The following PPFIA2 variants were observed in gnomAD, a reference collection of about 807,000 sequenced individuals.
PPFIA2 encodes the protein liprin-alpha-2.
In PPFIA2, 46 loss-of-function variants were observed where a neutral mutation model predicts 175.5. The ratio of observed to expected loss-of-function variants is 0.26; its 90% CI spans 0.21 to 0.34. The LOEUF (loss-of-function observed/expected upper bound fraction) is 0.34, where lower values mean the gene tolerates loss of function less well. PPFIA2 is among the 10% of genes least tolerant of loss of function. PPFIA2 has a pLI of 1.00. For missense variants in PPFIA2, 1,179 were observed against 1,506.1 expected (o/e 0.78, Z 3.60); for synonymous variants, 568 against 511.4 (o/e 1.11, Z -1.49).
chr12:81,676,388 G>A (rs992513347), intron 4 of PPFIA2, among the ~76,000 whole-genome samples: 2 of 152,002 alleles, frequency 1.3e-5, no homozygotes, highest in Middle Eastern at 3.4e-3. Context: ...CCTGAATTAA[G>A]TAGAAAAGAA....
At chr12:81,556,471 C>A (rs1358723879) in intron 4 of PPFIA2, among the ~76,000 whole-genome samples, 1 of 151,808 alleles carries the variant, frequency 6.6e-6, no homozygotes, top group Non-Finnish European at 1.5e-5. Context: ...ATGCAAAACT[C>A]TGAACTGTTT....
intron 3 of PPFIA2, among the ~76,000 whole-genome samples, chr12:81,711,342 A>T (rs935067984): frequency 1.3e-5 from 2 of 151,490 alleles, no homozygotes; most frequent in Non-Finnish European, 2.9e-5. Context: ...TTATAAACAC[A>T]CACATACACA....
chr12:81,630,213 T>C (rs2063209383), intron 4 of PPFIA2, among the ~76,000 whole-genome samples: 1 of 152,182 alleles, frequency 6.6e-6, no homozygotes, highest in Non-Finnish European at 1.5e-5. Flanking sequence ...GACCTCCAGA[T>C]AAATAAGATA....
intron 32 of PPFIA2, 61 bp downstream of exon 32, chr12:81,261,888 G>A (rs1002649876): frequency 8.8e-7 from 1 of 1,135,272 alleles, no homozygotes; most frequent in East Asian, 2.6e-5. Context: ...ATATTTATTA[G>A]TCTATGTAGG....
At chr12:81,725,235 T>A (rs1358825982) in intron 3 of PPFIA2, among the ~76,000 whole-genome samples, 1 of 150,946 alleles carries the variant, frequency 6.6e-6, no homozygotes, top group Non-Finnish European at 1.5e-5. Context: ...TATATTAAAT[T>A]CCATACAATG....
chr12:81,679,090 G>A (rs369319546), intron 3 of PPFIA2, among the ~76,000 whole-genome samples: 1 of 151,714 alleles, frequency 6.6e-6, no homozygotes, highest in South Asian at 2.1e-4. Flanking sequence ...CAAATCCAAA[G>A]ATAAAACATA....
At chr12:81,325,939 T>G in intron 21 of PPFIA2, 69 bp from the exon 22 acceptor site, 1 of 1,183,388 alleles carries the variant, frequency 8.5e-7, no homozygotes, top group Non-Finnish European at 1.2e-6. Flanking sequence ...AGTCAGGTTG[T>G]TAAAGGTTTA....
intron 4 of PPFIA2, among the ~76,000 whole-genome samples, chr12:81,570,680 A>C (rs914560913): frequency 1.3e-5 from 2 of 148,864 alleles, no homozygotes; most frequent in Non-Finnish European, 3.0e-5. Flanking sequence ...CATTCCTTTA[A>C]AAAATAATTT....
At chr12:81,684,835 C>A (rs1394255898) in intron 3 of PPFIA2, among the ~76,000 whole-genome samples, 1 of 151,976 alleles carries the variant, frequency 6.6e-6, no homozygotes, top group Non-Finnish European at 1.5e-5. Context: ...TCTTGAGGTA[C>A]TAAGTTTCTA....
At chr12:81,466,452 T>A (rs993962051) in intron 4 of PPFIA2, among the ~76,000 whole-genome samples, 1 of 152,144 alleles carries the variant, frequency 6.6e-6, no homozygotes, top group African/African-American at 2.4e-5. Flanking sequence ...AAAAAGTGGA[T>A]GTTTGTGGAA....
chr12:81,521,779 C>G (rs1414609475), intron 4 of PPFIA2, among the ~76,000 whole-genome samples: 1 of 150,838 alleles, frequency 6.6e-6, no homozygotes, highest in African/African-American at 2.4e-5. Context: ...GAGATCGCGC[C>G]GCTGCACTCC....
intron 4 of PPFIA2, among the ~76,000 whole-genome samples, chr12:81,590,235 G>A (rs2153441654): frequency 6.6e-6 from 1 of 152,164 alleles, no homozygotes; most frequent in Non-Finnish European, 1.5e-5. Flanking sequence ...CATAACACAT[G>A]CCAAGCATTC....
At chr12:81,716,188 C>T (rs561814903) in intron 3 of PPFIA2, among the ~76,000 whole-genome samples, 1 of 151,450 alleles carries the variant, frequency 6.6e-6, no homozygotes, top group African/African-American at 2.4e-5. Flanking sequence ...AAATTATAAT[C>T]TAAATACATA....
chr12:81,749,969 T>G (rs1597195352), intron 3 of PPFIA2, among the ~76,000 whole-genome samples: 1 of 144,206 alleles, frequency 6.9e-6, no homozygotes, highest in East Asian at 2.1e-4. Flanking sequence ...TCAGAGGGTT[T>G]TGCATTATTG....
chr12:81,488,521 C>T (rs1375507987), intron 4 of PPFIA2, among the ~76,000 whole-genome samples: 1 of 151,770 alleles, frequency 6.6e-6, no homozygotes, highest in East Asian at 1.9e-4. Flanking sequence ...GCACCTGATA[C>T]TATCTGAGTG....
chr12:81,732,715 A>C (rs1043648650), intron 3 of PPFIA2, among the ~76,000 whole-genome samples: 4 of 151,638 alleles, frequency 2.6e-5, no homozygotes, highest in Admixed American at 6.6e-5. Flanking sequence ...ATGATATGTT[A>C]AGTGAAAATG....
chr12:81,420,713 A>G (rs1490105105), intron 7 of PPFIA2, among the ~76,000 whole-genome samples: 1 of 152,062 alleles, frequency 6.6e-6, no homozygotes, highest in Non-Finnish European at 1.5e-5. Flanking sequence ...GGGAGTCCCA[A>G]AAAGAGAAAA....
At chr12:81,362,332 A>G (rs17008435) in intron 15 of PPFIA2, among the ~76,000 whole-genome samples, 4,201 of 151,446 alleles carry the variant, frequency 0.028, 180 homozygotes, top group African/African-American at 0.095. Flanking sequence ...GTCGAATTCA[A>G]TTTCTGTATT....
At chr12:81,645,273 T>C (rs1018323492) in intron 4 of PPFIA2, among the ~76,000 whole-genome samples, 1 of 152,130 alleles carries the variant, frequency 6.6e-6, no homozygotes, top group Non-Finnish European at 1.5e-5. Context: ...ATTTTACTCA[T>C]CATATTTTTC....
Sources: allele counts gnomAD v4.1 joint callset (sites outside exome capture counted in the v4.1 genomes callset), GRCh38; gene constraint gnomAD v4.1.1; transcripts MANE v1.5; gene names NCBI Gene and HGNC (gene_info 2026-07-23, HGNC 2026-07-21).